The following DCTN1 variants were observed in gnomAD, a reference collection of about 807,000 sequenced individuals.
The protein encoded by DCTN1 is 150 kDa dynein-associated polypeptide.
DCTN1 carries 61 observed loss-of-function variants against 161.2 expected under a neutral mutation model. That is an observed-to-expected ratio of 0.38 (90% CI 0.31 to 0.47). The LOEUF is 0.47. Among genes scored for constraint, DCTN1 ranks in the 20% least tolerant of loss-of-function variants. The probability of loss-of-function intolerance (pLI) is 0.99; values close to 1 mark genes in which losing one functional copy is unlikely to be tolerated. For missense variants in DCTN1, 1,404 were observed against 1,623.7 expected (o/e 0.86, Z 2.33); for synonymous variants, 653 against 632.4 (o/e 1.03, Z -0.49).
rs1320969248 is a variant in DCTN1, at chr2:74,362,118, T to C, written c.3633A>G (p.Val1211=). ...KLKDEVLKET[V]SQRPGATVPT... is the part of the protein sequence containing the mutation. ...GTACTGTGGCTCCAGGGCGCTGAGA[T>C]ACTGTCTCCTTGAGGACCTCATCCT... is the stretch of plus-strand genomic sequence containing the variant. The change falls in exon 31 of 32, where the codon GTA becomes GTG. Residue 1211 remains valine, a synonymous_variant. Transcript: ENST00000628224. 1.2e-6 allele frequency: 2 copies of C among 1,613,608 alleles called. No individual in the cohort carries two copies. Among genetic ancestry groups the C allele is most frequent in the Admixed American group, 1.7e-5 (1 of 59,990 alleles).
chr2:74,377,089 C>T (rs187177997), intron 4 of DCTN1, among the ~76,000 whole-genome samples: 38 of 152,192 alleles, frequency 2.5e-4, no homozygotes, highest in African/African-American at 8.9e-4. Context: ...CTATCTTCTA[C>T]CTTAACCTTA....
rs746310655 is a variant in DCTN1, at chr2:74,378,049, T to C, written c.230A>G (p.Lys77Arg). The change falls in exon 2 of 32, where the codon AAG becomes AGG. Residue 77 changes from lysine to arginine, a missense_variant. Lys to Arg is a conservative substitution (Grantham distance 26, BLOSUM62 2). This residue lies in a region of DCTN1 where 18 missense variants were observed against 53.0 expected (regional missense o/e 0.34). Coordinates refer to ENST00000628224, the MANE Select transcript of DCTN1 (RefSeq NM_004082.5). ...GKNDGTVQGR[K>R]YFTCDEGHGI... Reference sequence around the variant, plus strand: ...ATGCCCTTCATCACAAGTGAAGTACTTCCTGCCTTGAACAGTTCCATCATT... The same window carrying C: ...ATGCCCTTCATCACAAGTGAAGTACCTCCTGCCTTGAACAGTTCCATCATT... The C allele has an allele frequency of 4.3e-6, 7 of 1,614,302 alleles. No homozygotes were observed. The highest frequency in any genetic ancestry group is 5.9e-6 in the Non-Finnish European group (7 of 1,180,060).
intron 26 of DCTN1, 79 bp from the exon 27 acceptor site, chr2:74,363,707 C>A: frequency 6.3e-7 from 1 of 1,580,206 alleles, no homozygotes. Flanking sequence ...GGGGACACAC[C>A]AGAGGAATCC....
intron 3 of DCTN1, 41 bp from the exon 4 acceptor site, chr2:74,377,507 A>G (rs373285510): frequency 6.9e-6 from 11 of 1,583,888 alleles, no homozygotes; most frequent in Non-Finnish European, 9.5e-6. Context: ...ACTTGTATAG[A>G]GAGGTAGGGG....
chr2:74,363,683 G>A, intron 26 of DCTN1, 55 bp from the exon 27 acceptor site: 1 of 1,610,132 alleles, frequency 6.2e-7, no homozygotes, highest in Non-Finnish European at 8.5e-7. Context: ...GGAGTTAGGT[G>A]ATTTGGGGGT....
chr2:74,387,280 C>A (rs145417071), intron 1 of DCTN1, among the ~76,000 whole-genome samples: 1 of 152,144 alleles, frequency 6.6e-6, no homozygotes, highest in African/African-American at 2.4e-5. Flanking sequence ...TACCCTTGCA[C>A]GTCAATCCTT....
rs764295194 is a variant in DCTN1 at position 74,365,627 on chromosome 2, G to C, written c.2917C>G (p.Leu973Val). ...GEELSEANVR[L>V]SLLEKKLDSA... is the part of the protein sequence containing the mutation. ...TCCAACTTCTTCTCCAGGAGGCTCA[G>C]CCGCACATTGGCCTCACTTAGCTCC... Residue 973 changes from leucine (L) to valine (V), a missense_variant, in exon 25 of 32, where the codon CTG becomes GTG. Physicochemically the swap from Leu to Val is conservative, Grantham distance 32. Transcript: ENST00000628224. The C allele has an allele frequency of 1.2e-6, 2 of 1,614,118 alleles. No individual in the cohort carries two copies. Among genetic ancestry groups the C allele is most frequent in the South Asian group, 2.2e-5 (2 of 91,068 alleles).
chr2:74,377,484 A>G lies in DCTN1; in HGVS notation c.359-18T>C, dbSNP rs1675292502. 7.4e-6 allele frequency: 12 copies of G among 1,611,036 alleles called. No homozygotes were observed. The highest frequency in any genetic ancestry group is 9.3e-6 in the Non-Finnish European group (11 of 1,177,154). ...AGTTCCCTCTGTAGAAAGCAAACAG[A>G]AACAAAGTGTGTACTTGTATAGAGA... On this transcript the variant is annotated intron_variant, in intron 3 of 31. Coordinates refer to ENST00000628224, the MANE Select transcript of DCTN1 (RefSeq NM_004082.5).
chr2:74,380,746 C>A (rs993264404), upstream of DCTN1, among the ~76,000 whole-genome samples: 1 of 152,192 alleles, frequency 6.6e-6, no homozygotes, highest in African/African-American at 2.4e-5. Context: ...GCCCAGGAGG[C>A]AGCAAGAGAA....
chr2:74,367,726 C>T lies in DCTN1; in HGVS notation c.2154G>A (p.Glu718=), dbSNP rs1179662103. 6.2e-7 allele frequency: 1 copy of T among 1,614,184 alleles called. No homozygotes were observed. Among genetic ancestry groups the T allele is most frequent in the Non-Finnish European group, 8.5e-7 (1 of 1,180,030 alleles). The change falls in exon 18 of 32, where the codon GAG becomes GAA. Residue 718 remains glutamate, a synonymous_variant. Coordinates refer to ENST00000628224, the MANE Select transcript of DCTN1 (RefSeq NM_004082.5). ...KDQLDETVNV[E]PLTKAIKYYQ... ...AGTACTTGATGGCCTTGGTGAGAGG[C>T]TCCACATTGACAGTCTCATCCAGCT...
upstream of DCTN1, chr2:74,383,659 T>G (rs1375036722): frequency 6.6e-6 from 1 of 152,042 alleles, no homozygotes; most frequent in Non-Finnish European, 1.5e-5. Context: ...TCAGAGACAG[T>G]ACCAAAAAAG....
At position 74,390,814 on chromosome 2, in the gene DCTN1, G is replaced by T. The variant is rs142782807; in HGVS notation, c.-19+980C>A. 2.3e-3 allele frequency: 480 copies of T among 209,068 alleles called. 2 individuals carry two copies. The highest frequency in any genetic ancestry group is 0.011 in the African/African-American group (468 of 43,968). 13.0% of individuals were successfully genotyped at this position (209,068 alleles called of 1,614,324 possible). ...ACGCCATTAAAACTCAAAGCGCACT[G>T]ACCCATACTGCCCCTTCTAAATCCT... On this transcript the variant is annotated intron_variant, in intron 1 of 27. Transcript: ENST00000409240.
Position 74,378,200 on chromosome 2 carries a change from G to A in DCTN1, c.79C>T (p.Leu27=). The A allele has an allele frequency of 1.2e-6, 2 of 1,612,722 alleles. No individual in the cohort carries two copies. Among genetic ancestry groups the A allele is most frequent in the African/African-American group, 1.3e-5 (1 of 75,070 alleles). Residue 27 remains leucine (L), a synonymous_variant, in exon 2 of 32, where the codon CTG becomes TTG. Transcript: ENST00000628224. ...RMSAEASARP[L]RVGSRVEVIG... ...ACCTCTACACGGGAGCCCACCCGCA[G>A]AGGCCGGGCGCTTGCCTCCGCACTC...
chr2:74,371,481 G>A lies in DCTN1; in HGVS notation c.645+56C>T, dbSNP rs1487597477. On this transcript the variant is annotated intron_variant, in intron 8 of 31. Coordinates refer to ENST00000628224, the MANE Select transcript of DCTN1 (RefSeq NM_004082.5). ...CCAGGAAATTTTCAAGACACAGCGG[G>A]TAGCCACAAGCCTCTGGGTGTCTTG... 5 of 1,506,306 alleles carry A rather than the reference G, an allele frequency of 3.3e-6. No homozygotes were observed. In the East Asian group the frequency reaches 9.9e-5, roughly 30 times the overall value. 93.3% of individuals were successfully genotyped at this position (1,506,306 alleles called of 1,614,324 possible). A position where few individuals can be genotyped will look rare whatever the true frequency, so the allele number is the denominator to read the frequency against.
Position 74,371,213 on chromosome 2 carries a change from ACTC to A in DCTN1, c.646-40_646-38del, listed in dbSNP as rs751665822. 2.5e-6 allele frequency: 4 copies of A among 1,610,294 alleles called. No individual in the cohort carries two copies. In the South Asian group the frequency reaches 4.4e-5, roughly 18 times the overall value. ...AGGCCTCACGGTCTGTGCACAGCCC[ACTC>A]CTCCTCTCCACCAACACTGAGCTGG... is the stretch of plus-strand genomic sequence containing the variant. On this transcript the variant is annotated intron_variant, in intron 8 of 31. Transcript: ENST00000628224.
At chr2:74,379,186 T>C (rs76001261) in intron 1 of DCTN1, among the ~76,000 whole-genome samples, 2,174 of 152,264 alleles carry the variant, frequency 0.014, 59 homozygotes, top group African/African-American at 0.046. Flanking sequence ...AATAGGCCCA[T>C]GGTTTAGAAG....
chr2:74,362,621 G>A (rs1275026419), intron 30 of DCTN1, 29 bp downstream of exon 30: 1 of 1,610,532 alleles, frequency 6.2e-7, no homozygotes, highest in Admixed American at 1.7e-5. Context: ...ATGCTGTGAA[G>A]TGAGCTCTGC....
intron 26 of DCTN1, chr2:74,364,842 T>A (rs1674281518): frequency 3.4e-6 from 2 of 584,198 alleles, no homozygotes; most frequent in Non-Finnish European, 6.1e-6. Context: ...GTCATCATTA[T>A]TCTGAGCCTC....
upstream of DCTN1, among the ~76,000 whole-genome samples, chr2:74,382,033 A>G (rs1675532148): frequency 6.6e-6 from 1 of 152,132 alleles, no homozygotes; most frequent in South Asian, 2.1e-4. Context: ...AAAACTGGAA[A>G]CAACCTGACC....
Sources: allele counts gnomAD v4.1 joint callset (sites outside exome capture counted in the v4.1 genomes callset), GRCh38; gene constraint gnomAD v4.1.1; regional missense constraint gnomAD v4.1.1; transcripts MANE v1.5; gene names NCBI Gene and HGNC (gene_info 2026-07-23, HGNC 2026-07-21).